SSPN: variants seen among roughly 807,000 people sequenced by gnomAD.
SSPN encodes the protein sarcospan.
Under a neutral mutation model 19.1 loss-of-function variants are expected in SSPN, and 15 were observed. The observed-to-expected ratio is 0.78, with a 90% CI of 0.52 to 1.21. The LOEUF is 1.21. Among genes scored for constraint, SSPN ranks in the 50% most tolerant of loss-of-function variants. The pLI is 0.00. For synonymous variants in SSPN, 147 were observed against 140.3 expected, an observed-to-expected ratio of 1.05 and a Z score of -0.34; for missense variants, 291 against 314.0, an observed-to-expected ratio of 0.93 and a Z score of 0.55.
Position 26,195,921 on chromosome 12 carries a change from C to G in SSPN, c.249C>G (p.Val83=). 1 of 1,555,644 alleles carries G rather than the reference C, an allele frequency of 6.4e-7. No individual in the cohort carries two copies. Among genetic ancestry groups the G allele is most frequent in the Non-Finnish European group, 8.7e-7 (1 of 1,154,454 alleles). Residue 83 remains valine (V), a synonymous_variant, in exon 1 of 3, where the codon GTC becomes GTG. Transcript: ENST00000242729. ...CGAGCATCAGCTCCTCCCTGCTAGTCAGGGACACTCCATTTTGGGCTGGGA... is the reference window on the plus strand; with the variant it reads ...CGAGCATCAGCTCCTCCCTGCTAGTGAGGGACACTCCATTTTGGGCTGGGA... ...LMASISSSLL[V]RDTPFWAGII...
Position 26,163,142 on chromosome 12 carries a change from C to T in SSPN, c.-31+40990C>T, listed in dbSNP as rs184562715. Among the ~76,000 whole-genome samples, 92 of 151,946 alleles carry T rather than the reference C, an allele frequency of 6.1e-4. 1 individual carries two copies. Among genetic ancestry groups the T allele is most frequent in the Non-Finnish European group, 2.2e-4 (15 of 67,976 alleles). On this transcript the variant is annotated intron_variant, in intron 1 of 2. Transcript: ENST00000538142. ...TCAGAACTTTGCATGCAAATATGGC[C>T]ACAGCTCACACCATGAAGAACTGAA...
At chr12:26,193,132 G>A (rs570620450), upstream of SSPN, among the ~76,000 whole-genome samples, 46 of 152,242 alleles carry the variant, frequency 3.0e-4, no homozygotes, top group African/African-American at 9.9e-4. Flanking sequence ...GTCTAAGTTT[G>A]TAATTCACTG....
At chr12:26,159,561 A>T (rs967459125) in intron 1 of SSPN, among the ~76,000 whole-genome samples, 1 of 152,244 alleles carries the variant, frequency 6.6e-6, no homozygotes, top group Non-Finnish European at 1.5e-5. Context: ...GTCTTTCTGG[A>T]TGATGGCAGA....
At chr12:26,139,213 A>T (rs1440936120) in intron 1 of SSPN, among the ~76,000 whole-genome samples, 1 of 152,240 alleles carries the variant, frequency 6.6e-6, no homozygotes, top group East Asian at 1.9e-4. Flanking sequence ...GCTTTTATTG[A>T]TTTTTGCTAA....
At chr12:26,175,448 C>T (rs561221758) in intron 1 of SSPN, among the ~76,000 whole-genome samples, 11 of 152,230 alleles carry the variant, frequency 7.2e-5, no homozygotes, top group South Asian at 4.1e-4. Flanking sequence ...AGTTCTTTAT[C>T]AATATGTGAT....
At chr12:26,143,461 C>T (rs61915724) in intron 1 of SSPN, among the ~76,000 whole-genome samples, 32,439 of 152,002 alleles carry the variant, frequency 0.21, 3,704 homozygotes, top group East Asian at 0.31. Flanking sequence ...AAGTAACTTG[C>T]GCAAGATTAC....
At chr12:26,136,418 T>C (rs1015030404) in intron 1 of SSPN, among the ~76,000 whole-genome samples, 1 of 152,198 alleles carries the variant, frequency 6.6e-6, no homozygotes, top group African/African-American at 2.4e-5. Context: ...CTGTGTGACC[T>C]TGGACAAATT....
At chr12:26,134,146 C>T (rs1034190898) in intron 1 of SSPN, among the ~76,000 whole-genome samples, 1 of 152,352 alleles carries the variant, frequency 6.6e-6, no homozygotes, top group East Asian at 1.9e-4. Context: ...CTCTGCCCCC[C>T]TTTCTAGAAT....
At chr12:26,217,249 C>A (rs1461721723) in intron 1 of SSPN, among the ~76,000 whole-genome samples, 4 of 136,210 alleles carry the variant, frequency 2.9e-5, no homozygotes, top group African/African-American at 8.4e-5. Flanking sequence ...CTTTTATTTC[C>A]TTGAGCAGTG....
At chr12:26,200,390 A>C (rs1445507797) in intron 1 of SSPN, among the ~76,000 whole-genome samples, 1 of 152,240 alleles carries the variant, frequency 6.6e-6, no homozygotes, top group African/African-American at 2.4e-5. Flanking sequence ...AGGTTTATTC[A>C]GGTTTTAAAA....
At chr12:26,148,560 T>C (rs916862853) in intron 1 of SSPN, among the ~76,000 whole-genome samples, 9 of 152,230 alleles carry the variant, frequency 5.9e-5, no homozygotes, top group Non-Finnish European at 1.0e-4. Context: ...GTGATTCCTC[T>C]ACTTAACGTT....
chr12:26,178,902 ATAGAG>A (rs1349835823), intron 1 of SSPN, among the ~76,000 whole-genome samples: 1 of 152,226 alleles, frequency 6.6e-6, no homozygotes. Flanking sequence ...TCATTCACTT[ATAGAG>A]TAGTCATTTG....
At chr12:26,215,584 T>C (rs905465574) in intron 1 of SSPN, among the ~76,000 whole-genome samples, 2 of 152,226 alleles carry the variant, frequency 1.3e-5, no homozygotes, top group Non-Finnish European at 2.9e-5. Flanking sequence ...AGTCACACCA[T>C]GGAAATTAGC....
intron 1 of SSPN, among the ~76,000 whole-genome samples, chr12:26,149,086 A>T (rs941012737): frequency 6.6e-6 from 1 of 152,244 alleles, no homozygotes; most frequent in Non-Finnish European, 1.5e-5. Flanking sequence ...TATGTGGAGA[A>T]GCACTTACTG....
intron 1 of SSPN, among the ~76,000 whole-genome samples, chr12:26,220,765 C>G (rs1401804655): frequency 6.6e-6 from 1 of 152,174 alleles, no homozygotes; most frequent in Non-Finnish European, 1.5e-5. Context: ...AATGTCCACA[C>G]CACCCACCTG....
chr12:26,185,027 T>C (rs1033165809), intron 1 of SSPN, among the ~76,000 whole-genome samples: 1 of 152,206 alleles, frequency 6.6e-6, no homozygotes, highest in African/African-American at 2.4e-5. Context: ...CTAAACAGAA[T>C]GTACACTAAG....
intron 1 of SSPN, among the ~76,000 whole-genome samples, chr12:26,197,783 A>G (rs1421725209): frequency 6.6e-6 from 1 of 152,144 alleles, no homozygotes; most frequent in African/African-American, 2.4e-5. Flanking sequence ...CTTTTTTATC[A>G]TCTAGGATTC....
chr12:26,214,249 T>C (rs1452854960), intron 1 of SSPN, among the ~76,000 whole-genome samples: 2 of 152,122 alleles, frequency 1.3e-5, no homozygotes, highest in African/African-American at 4.8e-5. Flanking sequence ...TCAAAGACTT[T>C]CTTTTTCACA....
intron 1 of SSPN, among the ~76,000 whole-genome samples, chr12:26,188,644 T>C (rs1463725163): frequency 6.6e-6 from 1 of 152,212 alleles, no homozygotes; most frequent in Admixed American, 6.5e-5. Flanking sequence ...TTTAAAGAAA[T>C]GTTGTTTGTA....
Sources: gnomAD v4.1 joint callset for allele counts (sites outside exome capture counted in the v4.1 genomes callset) on GRCh38, gnomAD v4.1.1 for gene constraint, MANE v1.5 for transcripts, NCBI Gene and HGNC (gene_info 2026-07-23, HGNC 2026-07-21) for gene names.